Variants in SHOC1 observed in about 807,000 individuals in gnomAD.
The protein encoded by SHOC1 is protein shortage in chiasmata 1 ortholog.
In SHOC1, 136 loss-of-function variants were observed where a neutral mutation model predicts 179.2. The observed-to-expected ratio is 0.76, with a 90% CI of 0.66 to 0.87. The LOEUF is 0.87. Ranked by LOEUF, SHOC1 falls within the 40% of genes least tolerant of loss-of-function variation. The pLI, the probability that SHOC1 is intolerant of heterozygous loss-of-function variation, is 0.00. For synonymous variants in SHOC1, 489 were observed against 586.6 expected (o/e 0.83, Z 2.41); for missense variants, 1,538 against 1,700.8 (o/e 0.90, Z 1.68).
At position 111,727,692 on chromosome 9, in the gene SHOC1, C is replaced by G; in HGVS notation, c.1775G>C (p.Arg592Pro). The G allele has an allele frequency of 2.5e-6, 4 of 1,606,962 alleles. No homozygotes were observed. The highest frequency in any genetic ancestry group is 3.4e-6 in the Non-Finnish European group (4 of 1,177,962). The change falls in exon 13 of 28, where the codon CGA becomes CCA. Residue 592 changes from arginine to proline, a missense_variant. Transcript: ENST00000682961. Reference protein sequence around the residue: ...LDLLSDFIMLRNKYKTCTSKT... With the variant: ...LDLLSDFIMLPNKYKTCTSKT... ...TGAGGTGCAAGTCTTATATTTATTT[C>G]GCAGCATAATAAAGTCGCTCAAAAG...
intron 11 of SHOC1, among the ~76,000 whole-genome samples, chr9:111,739,131 G>T (rs1278798488): frequency 1.3e-5 from 2 of 151,898 alleles, no homozygotes; most frequent in Non-Finnish European, 2.9e-5. Context: ...CTTTTATAAT[G>T]ACAGTAATAT....
chr9:111,687,105 C>A (rs1204387452), intron 27 of SHOC1, among the ~76,000 whole-genome samples: 3 of 152,022 alleles, frequency 2.0e-5, no homozygotes, highest in Non-Finnish European at 4.4e-5. Flanking sequence ...TGCCACCACG[C>A]CCGGCTAATT....
intron 10 of SHOC1, among the ~76,000 whole-genome samples, chr9:111,742,342 C>A (rs1834081669): frequency 6.6e-6 from 1 of 152,118 alleles, no homozygotes; most frequent in South Asian, 2.1e-4. Context: ...TATAGAAATT[C>A]TGGATCCTCT....
intron 12 of SHOC1, among the ~76,000 whole-genome samples, chr9:111,731,308 A>G (rs1044287483): frequency 1.3e-5 from 2 of 152,202 alleles, no homozygotes; most frequent in Non-Finnish European, 2.9e-5. Context: ...CAAGAGACCT[A>G]GCTTTTGGCC....
At chr9:111,787,585 C>A (rs1254810254) in intron 2 of SHOC1, among the ~76,000 whole-genome samples, 1 of 152,170 alleles carries the variant, frequency 6.6e-6, no homozygotes, top group Non-Finnish European at 1.5e-5. Flanking sequence ...AGATGAGGAG[C>A]TGCTTCTTAT....
intron 13 of SHOC1, among the ~76,000 whole-genome samples, chr9:111,726,741 G>A (rs746620972): frequency 1.5e-4 from 23 of 151,958 alleles, no homozygotes; most frequent in Non-Finnish European, 2.9e-4. Context: ...TGTGAAATGC[G>A]GTAATACTAC....
Position 111,707,927 on chromosome 9 carries a change from G to C in SHOC1, c.2489-3C>G. 6.6e-7 allele frequency: 1 copy of C among 1,523,770 alleles called. No individual in the cohort carries two copies. The highest frequency in any genetic ancestry group is 8.8e-7 in the Non-Finnish European group (1 of 1,137,476). The allele number at this position is 1,523,770 out of a possible 1,614,324, so 94.4% of individuals were successfully genotyped here. A position where few individuals can be genotyped will look rare whatever the true frequency, so the allele number is the denominator to read the frequency against. ...ATGAAGGACAGTCAGTGTTAAACCT[G>C]TTGGAAAAAAGAATAATTTTTTTCA... On this transcript the variant is annotated splice_polypyrimidine_tract_variant and splice_region_variant and intron_variant, in intron 18 of 27. Transcript: ENST00000682961.
intron 5 of SHOC1, among the ~76,000 whole-genome samples, chr9:111,769,986 G>GTTTTTTTTTTTTTTTTTTT (rs769266659): frequency 3.9e-5 from 3 of 77,630 alleles, no homozygotes; most frequent in Admixed American, 1.3e-4. Context: ...TTTTTTTTTT[G>GTTTTTTTTTTTTTTTTTTT]TTTTTTTTTT....
At chr9:111,755,240 T>C (rs1178260175) in intron 8 of SHOC1, among the ~76,000 whole-genome samples, 3 of 152,242 alleles carry the variant, frequency 2.0e-5, no homozygotes, top group African/African-American at 4.8e-5. Flanking sequence ...AATAAGCCTA[T>C]GGCCCACCCT....
Position 111,693,868 on chromosome 9 carries a change from A to G in SHOC1, c.3396T>C (p.His1132=), listed in dbSNP as rs142785470. Reference sequence around the variant, plus strand: ...GACACAGAGTTGCTAATAATATCCAATGCAGTGAAGGTCCTTTATTTAGCA... The same window carrying G: ...GACACAGAGTTGCTAATAATATCCAGTGCAGTGAAGGTCCTTTATTTAGCA... ...QLMLNKGPSL[H]WILLATLCQL... Residue 1132 remains histidine (H), a synonymous_variant, in exon 26 of 28, where the codon CAT becomes CAC. Transcript: ENST00000682961. 4.3e-6 allele frequency: 7 copies of G among 1,611,330 alleles called. No homozygotes were observed. In the African/African-American group the frequency reaches 5.3e-5, roughly 12 times the overall value.
chr9:111,787,169 A>G (rs1464339519), intron 2 of SHOC1, among the ~76,000 whole-genome samples: 2 of 152,220 alleles, frequency 1.3e-5, no homozygotes, highest in Non-Finnish European at 2.9e-5. Flanking sequence ...GGAGATGTAC[A>G]AGGAGATTAA....
intron 2 of SHOC1, among the ~76,000 whole-genome samples, chr9:111,790,246 G>A (rs917396049): frequency 2.0e-5 from 3 of 152,116 alleles, no homozygotes; most frequent in African/African-American, 4.8e-5. Context: ...AAGTAATTGT[G>A]GCTTTTGCCA....
intron 5 of SHOC1, among the ~76,000 whole-genome samples, chr9:111,765,989 CTATTTT>C (rs1360646866): frequency 1.3e-5 from 2 of 152,116 alleles, no homozygotes; most frequent in African/African-American, 4.8e-5. Context: ...TCCATCTTTA[CTATTTT>C]TAAGTGTACA....
intron 5 of SHOC1, among the ~76,000 whole-genome samples, chr9:111,775,585 A>C (rs757006259): frequency 1.3e-5 from 2 of 152,196 alleles, no homozygotes; most frequent in African/African-American, 2.4e-5. Context: ...TTTGAGGCCC[A>C]GCAAATTAAA....
intron 18 of SHOC1, among the ~76,000 whole-genome samples, chr9:111,709,536 C>T (rs941784541): frequency 1.3e-5 from 2 of 152,010 alleles, no homozygotes; most frequent in African/African-American, 2.4e-5. Context: ...AGATAATTGC[C>T]GTTCTGAAAA....
intron 27 of SHOC1, among the ~76,000 whole-genome samples, chr9:111,689,348 A>AATAATT (rs1554707165): frequency 1.2e-4 from 17 of 146,556 alleles, no homozygotes; most frequent in Middle Eastern, 3.6e-3. Flanking sequence ...TAATAATAAT[A>AATAATT]ATTATTATTA....
chr9:111,710,942 C>T (rs10981030), intron 18 of SHOC1, among the ~76,000 whole-genome samples: 8,397 of 152,010 alleles, frequency 0.055, 567 homozygotes, highest in African/African-American at 0.16. Context: ...GGAAGAGAAA[C>T]GGTAACCAAA....
In SHOC1 at chr9:111,720,861, C is replaced by T. The variant is rs555167041; in HGVS notation, c.2131+1548G>A. On this transcript the variant is annotated intron_variant, in intron 15 of 27. Coordinates refer to ENST00000682961, the MANE Select transcript of SHOC1 (RefSeq NM_001378211.1). Reference sequence around the variant, plus strand: ...AGAAAACAGTAATAAGAAGTGTCAGCGTCCTTTTCTGGTCATTCTAATATC... The same window carrying T: ...AGAAAACAGTAATAAGAAGTGTCAGTGTCCTTTTCTGGTCATTCTAATATC... Among the ~76,000 whole-genome samples, 4 of 152,268 alleles carry T rather than the reference C, an allele frequency of 2.6e-5. No individual in the cohort carries two copies. The East Asian group carries it at 7.7e-4, about 29-fold the overall frequency.
At chr9:111,741,592 T>A in intron 10 of SHOC1, 22 bp from the exon 11 acceptor site, 2 of 1,225,814 alleles carry the variant, frequency 1.6e-6, no homozygotes, top group Non-Finnish European at 2.4e-6. Context: ...AGTTAAAGTT[T>A]AATACATTAA....
Sources: allele counts gnomAD v4.1 joint callset (sites outside exome capture counted in the v4.1 genomes callset), GRCh38; gene constraint gnomAD v4.1.1; transcripts MANE v1.5; gene names NCBI Gene and HGNC (gene_info 2026-07-23, HGNC 2026-07-21).